The following RBFOX1 variants were observed in gnomAD, a reference collection of about 807,000 sequenced individuals.
The protein encoded by RBFOX1 is RNA binding protein fox-1 homolog 1.
In RBFOX1, 8 loss-of-function variants were observed where a neutral mutation model predicts 57.7. The observed-to-expected ratio is 0.14, with a 90% confidence interval of 0.08 to 0.25. The LOEUF is 0.25. Ranked by LOEUF, RBFOX1 falls within the 10% of genes least tolerant of loss-of-function variation. The pLI, the probability that RBFOX1 is intolerant of heterozygous loss-of-function variation, is 1.00. For missense variants in RBFOX1, 611 were observed against 548.5 expected (o/e 1.11, Z -1.14); for synonymous variants, 326 against 222.4 (o/e 1.47, Z -4.15).
intron 3 of RBFOX1, among the ~76,000 whole-genome samples, chr16:5,654,437 C>T (rs1445350454): frequency 6.6e-6 from 1 of 152,154 alleles, no homozygotes; most frequent in South Asian, 2.1e-4. Context: ...ACCTAAAGTC[C>T]ATACCATTTC....
intron 2 of RBFOX1, among the ~76,000 whole-genome samples, chr16:6,490,132 C>G (rs534266858): frequency 3.9e-5 from 6 of 152,226 alleles, no homozygotes; most frequent in South Asian, 2.1e-4. Context: ...ATGACCATGC[C>G]TATCTCAGTC....
At chr16:5,979,458 C>G (rs1487347590) in intron 4 of RBFOX1, among the ~76,000 whole-genome samples, 7 of 152,200 alleles carry the variant, frequency 4.6e-5, no homozygotes, top group Non-Finnish European at 1.5e-5. Context: ...AGGGGCTTAA[C>G]ACCATAATAA....
At chr16:6,479,206 A>T (rs2095331101) in intron 2 of RBFOX1, among the ~76,000 whole-genome samples, 1 of 152,220 alleles carries the variant, frequency 6.6e-6, no homozygotes, top group African/African-American at 2.4e-5. Context: ...TAAAGAAAAG[A>T]AGTTTAATTG....
At chr16:7,155,395 C>G (rs1440522252) in intron 4 of RBFOX1, among the ~76,000 whole-genome samples, 1 of 151,526 alleles carries the variant, frequency 6.6e-6, no homozygotes, top group Non-Finnish European at 1.5e-5. Context: ...TCAAAACCAG[C>G]CTGGGATACA....
At chr16:7,572,417 T>A (rs1362890823) in intron 5 of RBFOX1, among the ~76,000 whole-genome samples, 1 of 152,292 alleles carries the variant, frequency 6.6e-6, no homozygotes, top group African/African-American at 2.4e-5. Context: ...CAGTTTTGCC[T>A]CCCAGGAGAC....
chr16:5,935,267 T>C (rs945135325), intron 4 of RBFOX1, among the ~76,000 whole-genome samples: 2 of 152,166 alleles, frequency 1.3e-5, no homozygotes, highest in African/African-American at 4.8e-5. Context: ...ATTGAAAAGA[T>C]TGTTACTCAT....
At chr16:7,375,509 T>G (rs1182826235) in intron 4 of RBFOX1, among the ~76,000 whole-genome samples, 1 of 151,580 alleles carries the variant, frequency 6.6e-6, no homozygotes, top group Non-Finnish European at 1.5e-5. Flanking sequence ...TTTTTTTGTT[T>G]TTTTTTTTTT....
chr16:7,426,969 A>G (rs527375769), intron 4 of RBFOX1, among the ~76,000 whole-genome samples: 1 of 152,300 alleles, frequency 6.6e-6, no homozygotes, highest in South Asian at 2.1e-4. Context: ...TTGTAGGGAC[A>G]TGGATGAAGC....
At chr16:7,065,909 T>G (rs185064199) in intron 4 of RBFOX1, among the ~76,000 whole-genome samples, 1 of 152,190 alleles carries the variant, frequency 6.6e-6, no homozygotes, top group Non-Finnish European at 1.5e-5. Flanking sequence ...TACATGTCTT[T>G]CTGTGTAAGG....
intron 4 of RBFOX1, among the ~76,000 whole-genome samples, chr16:7,337,299 G>T (rs2096807439): frequency 6.6e-6 from 1 of 152,194 alleles, no homozygotes; most frequent in South Asian, 2.1e-4. Context: ...AAGTAACCCA[G>T]TGCCTCTTAG....
chr16:6,947,265 T>C (rs79605036), intron 3 of RBFOX1, among the ~76,000 whole-genome samples: 8,026 of 152,202 alleles, frequency 0.053, 340 homozygotes, highest in East Asian at 0.18. Flanking sequence ...TATTTTCCTG[T>C]TTTTCACCTT....
chr16:7,517,551 GACACACAC>G (rs35971142), intron 4 of RBFOX1, among the ~76,000 whole-genome samples: 8 of 150,188 alleles, frequency 5.3e-5, no homozygotes, highest in East Asian at 2.0e-4. Context: ...CACACACACA[GACACACAC>G]ACACACACAC....
intron 4 of RBFOX1, among the ~76,000 whole-genome samples, chr16:5,878,002 C>G (rs1192889710): frequency 6.6e-6 from 1 of 152,236 alleles, no homozygotes; most frequent in African/African-American, 2.4e-5. Context: ...CTACCTCACA[C>G]TTGCTCTAGA....
intron 3 of RBFOX1, among the ~76,000 whole-genome samples, chr16:6,750,916 C>T (rs778698736): frequency 2.0e-5 from 3 of 152,084 alleles, no homozygotes; most frequent in Non-Finnish European, 4.4e-5. Flanking sequence ...GATTAGTGGG[C>T]TAGGGAAGTG....
At chr16:6,984,140 G>C (rs2089676447) in intron 3 of RBFOX1, among the ~76,000 whole-genome samples, 1 of 152,130 alleles carries the variant, frequency 6.6e-6, no homozygotes, top group African/African-American at 2.4e-5. Flanking sequence ...TCAGCAACTT[G>C]GGAGGCTGAG....
chr16:6,491,882 A>C lies in RBFOX1; in HGVS notation c.-63-162721A>C, dbSNP rs540041325. Among the ~76,000 whole-genome samples, 4 of 152,344 alleles carry C rather than the reference A, an allele frequency of 2.6e-5. No individual in the cohort carries two copies. The East Asian group carries it at 5.8e-4, about 22-fold the overall frequency. ...CATTGGTGAAAAATGAATCTGATGT[A>C]GATGAAGAGATTTATGTAGCTATAG... On this transcript the variant is annotated intron_variant, in intron 2 of 15. Coordinates refer to ENST00000550418, the MANE Select transcript of RBFOX1 (RefSeq NM_018723.4).
rs184981575 is a variant in RBFOX1, at chr16:5,962,388, C to A, written c.351+95053C>A. ...CATCCCAGTCCCTAGATATGAAGCA[C>A]TCAGGGGACCTTCTTTATCTCTAAG... is the stretch of plus-strand genomic sequence containing the variant. On this transcript the variant is annotated intron_variant, in intron 4 of 19. Coordinates refer to the RBFOX1 transcript ENST00000641259. Among the ~76,000 whole-genome samples, 80 of 152,290 alleles carry A rather than the reference C, an allele frequency of 5.3e-4. 2 individuals carry two copies. Among genetic ancestry groups the A allele is most frequent in the African/African-American group, 1.8e-3 (75 of 41,554 alleles).
At chr16:6,389,993 C>T (rs886202177) in intron 2 of RBFOX1, among the ~76,000 whole-genome samples, 1 of 152,044 alleles carries the variant, frequency 6.6e-6, no homozygotes, top group Non-Finnish European at 1.5e-5. Context: ...TTAGGAAGGC[C>T]GGGGAAACTG....
intron 3 of RBFOX1, chr16:5,610,548 T>C (rs2047741851): frequency 6.6e-6 from 1 of 152,170 alleles, no homozygotes; most frequent in Non-Finnish European, 1.5e-5. Context: ...AAAATTAGGC[T>C]GGGCACAGTG....
Sources: allele counts gnomAD v4.1 joint callset (sites outside exome capture counted in the v4.1 genomes callset), GRCh38; gene constraint gnomAD v4.1.1; transcripts MANE v1.5; gene names NCBI Gene and HGNC (gene_info 2026-07-23, HGNC 2026-07-21).